The following SUSD3 variants were observed in gnomAD, a reference collection of about 807,000 sequenced individuals.
The protein encoded by SUSD3 is sushi domain containing 3, also known as sushi domain-containing protein 3.
In SUSD3, 18 loss-of-function variants were observed where a neutral mutation model predicts 20.6. The ratio of observed to expected loss-of-function variants is 0.87; its 90% CI spans 0.60 to 1.30. The LOEUF is 1.30. SUSD3 is among the 50% of genes most tolerant of loss of function. The probability of loss-of-function intolerance (pLI) is 0.00; values close to 1 mark genes in which losing one functional copy is unlikely to be tolerated. For missense variants in SUSD3, 306 were observed against 346.9 expected, an observed-to-expected ratio of 0.88 and a Z score of 0.94; for synonymous variants, 137 against 141.5, an observed-to-expected ratio of 0.97 and a Z score of 0.23.
intron 1 of SUSD3, among the ~76,000 whole-genome samples, chr9:93,065,799 G>C (rs1208586715): frequency 2.0e-5 from 3 of 152,232 alleles, no homozygotes; most frequent in African/African-American, 7.2e-5. Flanking sequence ...CTTTGTTCTT[G>C]CATTCATTCA....
intron 1 of SUSD3, among the ~76,000 whole-genome samples, chr9:93,072,243 G>A (rs1318530534): frequency 6.6e-6 from 1 of 152,174 alleles, no homozygotes; most frequent in East Asian, 1.9e-4. Context: ...CCAAAGCGGT[G>A]GGGCATGTCT....
chr9:93,060,865 A>T (rs1418458728), intron 1 of SUSD3, among the ~76,000 whole-genome samples: 1 of 152,082 alleles, frequency 6.6e-6, no homozygotes, highest in Non-Finnish European at 1.5e-5. Context: ...AAAACATAGC[A>T]CGGGGATGTG....
chr9:93,077,746 C>T (rs2118983774), intron 2 of SUSD3, 100 bp from the exon 3 acceptor site: 3 of 1,326,156 alleles, frequency 2.3e-6, no homozygotes, highest in East Asian at 4.8e-5. Context: ...GCCCTGTCTA[C>T]ACCCAGGCCC....
chr9:93,075,763 CAT>C lies in SUSD3; in HGVS notation c.89-19_89-18del. On this transcript the variant is annotated intron_variant, in intron 1 of 4. Coordinates refer to ENST00000375472, the MANE Select transcript of SUSD3 (RefSeq NM_145006.4). ...CCACCCCCCCCCCCCCGCCATGCCT[CAT>C]ACCTGCCTGTCTCCCCAGGCACGTG... is the stretch of plus-strand genomic sequence containing the variant. The C allele has an allele frequency of 2.1e-6, 2 of 938,484 alleles. No individual in the cohort carries two copies. The highest frequency in any genetic ancestry group is 3.1e-6 in the Non-Finnish European group (2 of 640,154). 58.1% of individuals were successfully genotyped at this position (938,484 alleles called of 1,614,324 possible).
chr9:93,080,306 G>T (rs1826356524), intron 4 of SUSD3, among the ~76,000 whole-genome samples: 1 of 129,286 alleles, frequency 7.7e-6, no homozygotes, highest in African/African-American at 3.0e-5. Context: ...GCGACAGAGC[G>T]AGACTCCGTC....
chr9:93,059,085 G>A (rs916103533), intron 1 of SUSD3, among the ~76,000 whole-genome samples: 3 of 152,184 alleles, frequency 2.0e-5, no homozygotes, highest in South Asian at 4.1e-4. Context: ...TGGCCGCAGC[G>A]CCTTGGTCCC....
chr9:93,079,746 AAAC>A, intron 4 of SUSD3, 144 bp downstream of exon 4: 1 of 815,824 alleles, frequency 1.2e-6, no homozygotes, highest in Non-Finnish European at 1.9e-6. Flanking sequence ...CCCATCTCTA[AAAC>A]AAGAGGCTGG....
chr9:93,082,894 A>T (rs969788790), intron 4 of SUSD3, among the ~76,000 whole-genome samples: 3 of 152,204 alleles, frequency 2.0e-5, no homozygotes, highest in Non-Finnish European at 4.4e-5. Flanking sequence ...TGGCCAGAGC[A>T]TGATGCCGAG....
intron 1 of SUSD3, chr9:93,068,975 C>T (rs1825818167): frequency 1.8e-6 from 1 of 556,020 alleles, no homozygotes; most frequent in Non-Finnish European, 3.2e-6. Context: ...CCAATTATAA[C>T]AATATATTAT....
intron 1 of SUSD3, among the ~76,000 whole-genome samples, chr9:93,068,855 A>T (rs1006643503): frequency 2.6e-5 from 4 of 150,982 alleles, no homozygotes; most frequent in Non-Finnish European, 5.9e-5. Context: ...CATGCCTGAA[A>T]CTTCAGATAC....
At chr9:93,071,243 C>A (rs1156611178) in intron 1 of SUSD3, among the ~76,000 whole-genome samples, 1 of 152,166 alleles carries the variant, frequency 6.6e-6, no homozygotes, top group African/African-American at 2.4e-5. Flanking sequence ...GGTGAAGTCC[C>A]ACAATAGGCT....
chr9:93,079,622 G>C lies in SUSD3; in HGVS notation c.557+20G>C, dbSNP rs373425904. ...CACCACGTGAGCCCGGGTCTGGGTA[G>C]GGGACATGCTGGGGGACAAGGGGTC... On this transcript the variant is annotated intron_variant, in intron 4 of 4. Coordinates refer to ENST00000375472, the MANE Select transcript of SUSD3 (RefSeq NM_145006.4). 7.4e-6 allele frequency: 12 copies of C among 1,612,256 alleles called. No homozygotes were observed. Among genetic ancestry groups the C allele is most frequent in the Non-Finnish European group, 8.5e-6 (10 of 1,179,522 alleles).
chr9:93,084,423 A>C (rs1382794127), intron 4 of SUSD3, 114 bp from the exon 5 acceptor site: 3 of 942,968 alleles, frequency 3.2e-6, no homozygotes, highest in Non-Finnish European at 4.6e-6. Context: ...CCCAGTGCTC[A>C]GGGCAGCAGT....
At chr9:93,075,740 A>AACCC in intron 1 of SUSD3, 44 bp from the exon 2 acceptor site, 2 of 146,806 alleles carry the variant, frequency 1.4e-5, no homozygotes, top group Non-Finnish European at 2.4e-5. Context: ...CTGCGTGCCC[A>AACCC]CCCCCCCCCC....
At chr9:93,077,353 T>C (rs889601095) in intron 2 of SUSD3, among the ~76,000 whole-genome samples, 5 of 152,024 alleles carry the variant, frequency 3.3e-5, no homozygotes, top group Non-Finnish European at 5.9e-5. Context: ...TCACCTCCTC[T>C]CTGTGGCCCA....
chr9:93,058,739 C>T lies in SUSD3; in HGVS notation c.-4C>T, dbSNP rs1406711980. The T allele has an allele frequency of 7.3e-6, 9 of 1,233,424 alleles. No individual in the cohort carries two copies. The highest frequency in any genetic ancestry group is 9.1e-6 in the Non-Finnish European group (9 of 988,166). 76.4% of individuals were successfully genotyped at this position (1,233,424 alleles called of 1,614,324 possible). On this transcript the variant is annotated 5_prime_UTR_variant, in exon 1 of 5. Coordinates refer to ENST00000375472, the MANE Select transcript of SUSD3 (RefSeq NM_145006.4). ...ACCCCGCCAAGCGCCTCGGAGCGCG[C>T]AGGATGCGCTGGGCGGCCGCCACCC...
intron 1 of SUSD3, among the ~76,000 whole-genome samples, chr9:93,074,013 C>G (rs1826019563): frequency 6.6e-6 from 1 of 152,114 alleles, no homozygotes; most frequent in Admixed American, 6.5e-5. Context: ...GGCTGCTATG[C>G]CGATAGATGA....
In SUSD3 at chr9:93,058,725, C is replaced by A; in HGVS notation, c.-18C>A. On this transcript the variant is annotated 5_prime_UTR_variant, in exon 1 of 5. Coordinates refer to ENST00000375472, the MANE Select transcript of SUSD3 (RefSeq NM_145006.4). Reference sequence around the variant, plus strand: ...CACTCCCCTGGCAGACCCCGCCAAGCGCCTCGGAGCGCGCAGGATGCGCTG... The same window carrying A: ...CACTCCCCTGGCAGACCCCGCCAAGAGCCTCGGAGCGCGCAGGATGCGCTG... 1 of 1,228,874 alleles carries A rather than the reference C, an allele frequency of 8.1e-7. No individual in the cohort carries two copies. The allele number at this position is 1,228,874 out of a possible 1,614,324, so 76.1% of individuals were successfully genotyped here.
chr9:93,078,552 G>A (rs1319618261), intron 3 of SUSD3, among the ~76,000 whole-genome samples: 2 of 152,058 alleles, frequency 1.3e-5, no homozygotes, highest in Non-Finnish European at 2.9e-5. Context: ...GTGAGCCACC[G>A]CGCCCGGCCC....
Sources: gnomAD v4.1 joint callset for allele counts (sites outside exome capture counted in the v4.1 genomes callset) on GRCh38, gnomAD v4.1.1 for gene constraint, MANE v1.5 for transcripts, NCBI Gene and HGNC (gene_info 2026-07-23, HGNC 2026-07-21) for gene names.